The following PARD3B variants were observed in gnomAD, a reference collection of about 807,000 sequenced individuals.
PARD3B encodes the protein partitioning defective 3 homolog B.
PARD3B carries 103 observed loss-of-function variants against 130.2 expected under a neutral mutation model. The ratio of observed to expected loss-of-function variants is 0.79; its 90% CI spans 0.67 to 0.93. The LOEUF is 0.93. Among genes scored for constraint, PARD3B ranks in the 40% least tolerant of loss-of-function variants. PARD3B has a pLI of 0.00. For missense variants in PARD3B, 1,609 were observed against 1,499.2 expected, an observed-to-expected ratio of 1.07 and a Z score of -1.21; for synonymous variants, 583 against 553.2, an observed-to-expected ratio of 1.05 and a Z score of -0.76.
At chr2:205,124,297 A>C in intron 8 of PARD3B, 30 bp from the exon 9 acceptor site, 1 of 1,466,946 alleles carries the variant, frequency 6.8e-7, no homozygotes, top group Non-Finnish European at 9.1e-7. Context: ...GCTTAAGATG[A>C]CTATACATTT....
chr2:205,359,255 C>G (rs2044303366), intron 18 of PARD3B, among the ~76,000 whole-genome samples: 2 of 152,216 alleles, frequency 1.3e-5, no homozygotes, highest in Non-Finnish European at 2.9e-5. Flanking sequence ...AATAATTCAT[C>G]TGTTCTGCTT....
intron 22 of PARD3B, among the ~76,000 whole-genome samples, chr2:205,553,858 C>T (rs1194201606): frequency 1.3e-5 from 2 of 152,144 alleles, no homozygotes; most frequent in Non-Finnish European, 2.9e-5. Context: ...TAGAATCTGA[C>T]CTTGTTCTCA....
chr2:205,361,089 G>T lies in PARD3B; in HGVS notation c.2631-39924G>T, dbSNP rs550493348. Among the ~76,000 whole-genome samples the T allele has an allele frequency of 3.9e-3, 586 of 152,166 alleles. 2 individuals carry two copies. The highest frequency in any genetic ancestry group is 6.9e-3 in the Non-Finnish European group (470 of 67,998). ...TTTGTTGAGTTGAACGTAATTTGGAGGAATGGTATAAGGATAAGAAAAAAA... is the reference window on the plus strand; with the variant it reads ...TTTGTTGAGTTGAACGTAATTTGGATGAATGGTATAAGGATAAGAAAAAAA... On this transcript the variant is annotated intron_variant, in intron 18 of 22. Coordinates refer to ENST00000406610, the MANE Select transcript of PARD3B (RefSeq NM_001302769.2).
intron 4 of PARD3B, among the ~76,000 whole-genome samples, chr2:205,062,796 CAA>C (rs1162488433): frequency 6.6e-6 from 1 of 152,012 alleles, no homozygotes; most frequent in Non-Finnish European, 1.5e-5. Context: ...TAAAAATAAA[CAA>C]ATGTATTTTA....
chr2:205,495,475 A>G (rs1046382251), intron 20 of PARD3B, among the ~76,000 whole-genome samples: 1 of 152,198 alleles, frequency 6.6e-6, no homozygotes, highest in Admixed American at 6.5e-5. Flanking sequence ...CAATGTGGAG[A>G]TGAGGTTATT....
At chr2:205,475,694 A>G (rs976843283) in intron 20 of PARD3B, among the ~76,000 whole-genome samples, 61 of 152,200 alleles carry the variant, frequency 4.0e-4, no homozygotes, top group African/African-American at 1.4e-3. Context: ...ACTTGATTCA[A>G]TACAAATGTC....
rs894539260 is a variant in PARD3B at position 204,765,569 on chromosome 2, A to G, written c.222+79287A>G. ...ATAGTCTGAGGCATTAATAATTTCA[A>G]AAGTCTTTTATAGTATTATTTCTTC... On this transcript the variant is annotated intron_variant, in intron 2 of 22. Coordinates refer to ENST00000406610, the MANE Select transcript of PARD3B (RefSeq NM_001302769.2). Among the ~76,000 whole-genome samples the G allele has an allele frequency of 3.7e-4, 57 of 152,190 alleles. 2 individuals are homozygous for G. The highest frequency in any genetic ancestry group is 1.7e-4 in the African/African-American group (7 of 41,452).
chr2:205,555,480 C>T (rs983869909), intron 22 of PARD3B, among the ~76,000 whole-genome samples: 4 of 152,142 alleles, frequency 2.6e-5, no homozygotes, highest in Admixed American at 1.3e-4. Context: ...CGCTAATCCC[C>T]GAAATACTCA....
chr2:205,338,057 G>A (rs1256186303), intron 18 of PARD3B, among the ~76,000 whole-genome samples: 1 of 151,034 alleles, frequency 6.6e-6, no homozygotes, highest in East Asian at 1.9e-4. Context: ...GGGAGGCTGA[G>A]GCAGAGAATT....
intron 3 of PARD3B, among the ~76,000 whole-genome samples, chr2:204,997,504 T>TATAA (rs1694332769): frequency 6.6e-6 from 1 of 151,710 alleles, no homozygotes; most frequent in Admixed American, 6.6e-5. Flanking sequence ...TTGATGCTAT[T>TATAA]ATAAAGAAAG....
chr2:205,578,789 G>A (rs771924067), intron 22 of PARD3B, among the ~76,000 whole-genome samples: 8 of 152,118 alleles, frequency 5.3e-5, no homozygotes, highest in African/African-American at 1.4e-4. Flanking sequence ...GACACATCAC[G>A]TCAAATTATC....
intron 2 of PARD3B, among the ~76,000 whole-genome samples, chr2:204,806,050 G>A (rs893298236): frequency 3.3e-5 from 5 of 151,990 alleles, no homozygotes; most frequent in African/African-American, 9.7e-5. Context: ...TTGCTAAAAT[G>A]TACGTTCTGC....
chr2:204,718,662 T>C (rs16824675), intron 2 of PARD3B, among the ~76,000 whole-genome samples: 1,848 of 152,274 alleles, frequency 0.012, 41 homozygotes, highest in African/African-American at 0.042. Flanking sequence ...TGTTATGACT[T>C]ATTAGATTCA....
In PARD3B at chr2:205,590,174, A is replaced by C. The variant is rs550388208; in HGVS notation, c.3261-25282A>C. Among the ~76,000 whole-genome samples the C allele has an allele frequency of 6.6e-6, 1 of 152,342 alleles. No individual in the cohort carries two copies. The highest frequency in any genetic ancestry group is 1.9e-4 in the East Asian group (1 of 5,184). On this transcript the variant is annotated intron_variant, in intron 22 of 22. Coordinates refer to ENST00000406610, the MANE Select transcript of PARD3B (RefSeq NM_001302769.2). This position sits in a 1 kb window ranked among gnomAD's most constrained non-coding sequence, Gnocchi z 4.1. ...TGCTTTATTTATCCAATACAGGAAA[A>C]GAAATCTATTGGTAGATGTAACTGA...
chr2:205,471,656 C>T (rs1438879329), intron 20 of PARD3B, among the ~76,000 whole-genome samples: 5 of 152,102 alleles, frequency 3.3e-5, no homozygotes, highest in South Asian at 2.1e-4. Context: ...AGCCACCACG[C>T]CCGGCCCTCA....
At position 205,197,047 on chromosome 2, in the gene PARD3B, G is replaced by A. The variant is rs866865864; in HGVS notation, c.2140+3727G>A. Among the ~76,000 whole-genome samples, 299 of 140,588 alleles carry A rather than the reference G, an allele frequency of 2.1e-3. 3 individuals are homozygous for A. The highest frequency in any genetic ancestry group is 5.3e-3 in the African/African-American group (207 of 39,236). 92.2% of individuals were successfully genotyped at this position (140,588 alleles called of 152,430 possible). On this transcript the variant is annotated intron_variant, in intron 15 of 22. Transcript: ENST00000406610. ...GTGGGGGGGGGGTGTGTGTGTGTGT[G>A]TGTGTGTGTGTGTGTGTGTGTGTGT... is the stretch of plus-strand genomic sequence containing the variant.
chr2:205,523,969 A>AT (rs932952093), intron 21 of PARD3B, among the ~76,000 whole-genome samples: 12 of 151,264 alleles, frequency 7.9e-5, no homozygotes, highest in East Asian at 1.9e-4. Flanking sequence ...TACGTAACAA[A>AT]TTTTTTTTTA....
At chr2:205,030,089 C>T (rs1033783911) in intron 3 of PARD3B, among the ~76,000 whole-genome samples, 1 of 152,130 alleles carries the variant, frequency 6.6e-6, no homozygotes, top group African/African-American at 2.4e-5. Flanking sequence ...CTTCTATGCC[C>T]TCTGTGGTAT....
intron 2 of PARD3B, among the ~76,000 whole-genome samples, chr2:204,956,937 T>G (rs1053176504): frequency 6.6e-6 from 1 of 152,174 alleles, no homozygotes; most frequent in African/African-American, 2.4e-5. Context: ...GGAGAAGGGC[T>G]TCATGGATGC....
Sources: allele counts gnomAD v4.1 joint callset (sites outside exome capture counted in the v4.1 genomes callset), GRCh38; gene constraint gnomAD v4.1.1; non-coding constraint Gnocchi (gnomAD v3.1); transcripts MANE v1.5; gene names NCBI Gene and HGNC (gene_info 2026-07-23, HGNC 2026-07-21).